The following GLRA1 variants were observed in gnomAD, a reference collection of about 807,000 sequenced individuals.
GLRA1 encodes the protein glycine receptor subunit alpha-1.
A neutral mutation model predicts 48.3 loss-of-function variants in GLRA1; 37 were observed. The observed-to-expected ratio is 0.77, with a 90% CI of 0.59 to 1.01. GLRA1 has a LOEUF of 1.01. Among genes scored for constraint, GLRA1 ranks in the 50% least tolerant of loss-of-function variants. The pLI is 0.00. For synonymous variants in GLRA1, 196 were observed against 210.7 expected (o/e 0.93, Z 0.60); for missense variants, 427 against 571.0 (o/e 0.75, Z 2.57).
chr5:151,855,116 T>G lies in GLRA1; in HGVS notation c.621A>C (p.Ala207=), dbSNP rs753763427. The part of the protein sequence containing the change: ...EWQEQGAVQV[A]DGLTLPQFIL... The stretch of plus-strand genomic sequence containing the variant: ...TAAACTGGGGCAGAGTTAGTCCATC[T>G]GCTACCTGCACGGCTCCCTGTTCCT... Residue 207 remains alanine (A), a synonymous_variant, in exon 6 of 9, where the codon GCA becomes GCC. Transcript: ENST00000274576. The G allele has an allele frequency of 5.0e-6, 8 of 1,613,728 alleles. No homozygotes were observed. The East Asian group carries it at 1.8e-4, about 36-fold the overall frequency.
chr5:151,845,730 A>G (rs769999157), intron 7 of GLRA1, among the ~76,000 whole-genome samples: 11 of 152,244 alleles, frequency 7.2e-5, no homozygotes, highest in Non-Finnish European at 1.5e-4. Flanking sequence ...ACCTTTGAGA[A>G]TTAAAAACAT....
intron 2 of GLRA1, among the ~76,000 whole-genome samples, chr5:151,888,180 C>T (rs904726860): frequency 5.9e-5 from 9 of 152,158 alleles, no homozygotes; most frequent in Non-Finnish European, 1.2e-4. Flanking sequence ...GTAGATATGT[C>T]CTTATGCCCT....
intron 1 of GLRA1, among the ~76,000 whole-genome samples, chr5:151,912,479 T>C (rs1413090171): frequency 1.3e-5 from 2 of 152,202 alleles, no homozygotes; most frequent in Admixed American, 1.3e-4. Flanking sequence ...GGACATGCCC[T>C]GTCAGAGAGC....
rs564678832 is a variant in GLRA1 at position 151,881,125 on chromosome 5, G to A, written c.252+5596C>T. Among the ~76,000 whole-genome samples the A allele has an allele frequency of 1.1e-4, 16 of 152,038 alleles. No individual in the cohort carries two copies. In the South Asian group the frequency reaches 3.3e-3, roughly 32 times the overall value. Reference sequence around the variant, plus strand: ...TATGTATGCCACTGCACAATTCCACGATCCCTCAGTATATACCTCCACATA... The same window carrying A: ...TATGTATGCCACTGCACAATTCCACAATCCCTCAGTATATACCTCCACATA... On this transcript the variant is annotated intron_variant, in intron 3 of 8. Coordinates refer to ENST00000274576, the MANE Select transcript of GLRA1 (RefSeq NM_000171.4).
intron 5 of GLRA1, among the ~76,000 whole-genome samples, 173 bp downstream of exon 5, chr5:151,856,128 A>G (rs1054756733): frequency 4.0e-5 from 6 of 151,684 alleles, no homozygotes; most frequent in Admixed American, 2.0e-4. Flanking sequence ...AATGTAAGGG[A>G]AGTTATATTT....
chr5:151,824,860 A>G (rs1763231699), intron 8 of GLRA1, among the ~76,000 whole-genome samples: 1 of 148,834 alleles, frequency 6.7e-6, no homozygotes, highest in Non-Finnish European at 1.5e-5. Context: ...TGAACATATG[A>G]ACATAGTCCC....
At chr5:151,874,804 G>A (rs1405681822) in intron 3 of GLRA1, among the ~76,000 whole-genome samples, 1 of 152,152 alleles carries the variant, frequency 6.6e-6, no homozygotes, top group African/African-American at 2.4e-5. Context: ...ATCTTTCTGG[G>A]CAGAGGGAAC....
chr5:151,857,703 C>G (rs964108823), intron 4 of GLRA1, among the ~76,000 whole-genome samples: 1 of 152,228 alleles, frequency 6.6e-6, no homozygotes. Context: ...TCAACCCTGA[C>G]AGAGGCCACA....
At chr5:151,906,295 A>G (rs1754471805) in intron 1 of GLRA1, among the ~76,000 whole-genome samples, 1 of 152,226 alleles carries the variant, frequency 6.6e-6, no homozygotes, top group Non-Finnish European at 1.5e-5. Flanking sequence ...CTGCACTAAA[A>G]TCTTATGCCA....
chr5:151,845,073 A>G (rs922157008), intron 7 of GLRA1, among the ~76,000 whole-genome samples: 2 of 152,238 alleles, frequency 1.3e-5, no homozygotes, highest in Non-Finnish European at 2.9e-5. Flanking sequence ...CATATGCAGA[A>G]CATGCAGGTT....
At chr5:151,833,179 C>T (rs1158728737) in intron 7 of GLRA1, among the ~76,000 whole-genome samples, 4 of 152,186 alleles carry the variant, frequency 2.6e-5, no homozygotes, top group Admixed American at 2.6e-4. Context: ...CAACCGGTAC[C>T]AGCCACTGCA....
intron 1 of GLRA1, 145 bp from the exon 2 acceptor site, chr5:151,892,583 A>G (rs1754107278): frequency 1.2e-6 from 1 of 854,748 alleles, no homozygotes; most frequent in African/African-American, 1.7e-5. Flanking sequence ...TAATGAGGTA[A>G]GGCCCAGGTT....
chr5:151,859,038 GA>G (rs566086916), intron 4 of GLRA1, among the ~76,000 whole-genome samples: 369 of 152,276 alleles, frequency 2.4e-3, no homozygotes, highest in Middle Eastern at 6.8e-3. Flanking sequence ...TGTCTAATCT[GA>G]AAAATGGGCC....
At chr5:151,912,934 G>A (rs1033413011) in intron 1 of GLRA1, among the ~76,000 whole-genome samples, 1 of 152,182 alleles carries the variant, frequency 6.6e-6, no homozygotes, top group African/African-American at 2.4e-5. Context: ...ATGTATGTAA[G>A]GTCCCTTTAA....
At chr5:151,867,148 CT>C (rs1014892599) in intron 3 of GLRA1, among the ~76,000 whole-genome samples, 1 of 151,296 alleles carries the variant, frequency 6.6e-6, no homozygotes, top group African/African-American at 2.5e-5. Flanking sequence ...TAAATAAATA[CT>C]TTTAACAAAT....
chr5:151,924,532 A>T lies in GLRA1; in HGVS notation c.18T>A (p.Thr6=), dbSNP rs200604203. ...TGGTCTCCCAAAGGTAGAGTCGAAG[A>T]GTATTGAAGCTGTACATTTTTCAGG... The part of the protein sequence containing the change: MYSFN[T]LRLYLWETIV... The change falls in exon 1 of 9, where the codon ACT becomes ACA. Residue 6 remains threonine, a synonymous_variant. Coordinates refer to ENST00000274576, the MANE Select transcript of GLRA1 (RefSeq NM_000171.4). The T allele has an allele frequency of 1.2e-6, 2 of 1,604,702 alleles. No homozygotes were observed. Among genetic ancestry groups the T allele is most frequent in the African/African-American group, 2.7e-5 (2 of 74,838 alleles).
At chr5:151,899,065 A>G (rs1285299350) in intron 1 of GLRA1, among the ~76,000 whole-genome samples, 2 of 152,138 alleles carry the variant, frequency 1.3e-5, no homozygotes, top group Non-Finnish European at 2.9e-5. Context: ...ATGGGAAATG[A>G]TGAGAAATGA....
intron 5 of GLRA1, 47 bp from the exon 6 acceptor site, chr5:151,855,224 G>A: frequency 6.3e-7 from 1 of 1,594,698 alleles, no homozygotes; most frequent in Non-Finnish European, 8.6e-7. Context: ...AGAAGCACTT[G>A]TTTGAAGCAT....
Position 151,828,909 on chromosome 5 carries a change from C to A in GLRA1, c.1059+12G>T. On this transcript the variant is annotated intron_variant, in intron 8 of 8. Coordinates refer to ENST00000274576, the MANE Select transcript of GLRA1 (RefSeq NM_000171.4). ...CAGCTGTCCCTCCTTAGGCAGTGACCCAAAGGCCTACCTTGTGATGTCTCC... is the reference window on the plus strand; with the variant it reads ...CAGCTGTCCCTCCTTAGGCAGTGACACAAAGGCCTACCTTGTGATGTCTCC... 6.2e-7 allele frequency: 1 copy of A among 1,613,118 alleles called. No homozygotes were observed. The highest frequency in any genetic ancestry group is 8.5e-7 in the Non-Finnish European group (1 of 1,179,312).
Sources: gnomAD v4.1 joint callset for allele counts (sites outside exome capture counted in the v4.1 genomes callset) on GRCh38, gnomAD v4.1.1 for gene constraint, MANE v1.5 for transcripts, NCBI Gene and HGNC (gene_info 2026-07-23, HGNC 2026-07-21) for gene names.